PIAS2: variants seen among roughly 807,000 people sequenced by gnomAD.
The protein encoded by PIAS2 is protein inhibitor of activated STAT 2, also known as E3 SUMO-protein ligase PIAS2.
PIAS2 carries 19 observed loss-of-function variants against 69.7 expected under a neutral mutation model. That is an observed-to-expected ratio of 0.27 (90% CI 0.19 to 0.40). The LOEUF (loss-of-function observed/expected upper bound fraction) is 0.40. Among genes scored for constraint, PIAS2 ranks in the 10% least tolerant of loss-of-function variants. The pLI, the probability that PIAS2 is intolerant of heterozygous loss-of-function variation, is 1.00. For missense variants in PIAS2, 624 were observed against 757.0 expected, an observed-to-expected ratio of 0.82 and a Z score of 2.06; for synonymous variants, 261 against 263.2, an observed-to-expected ratio of 0.99 and a Z score of 0.08.
intron 1 of PIAS2, among the ~76,000 whole-genome samples, chr18:46,899,605 C>T (rs1332975268): frequency 6.6e-6 from 1 of 152,148 alleles, no homozygotes; most frequent in Non-Finnish European, 1.5e-5. Flanking sequence ...ATAACTGGGA[C>T]TACAAGCACA....
intron 2 of PIAS2, among the ~76,000 whole-genome samples, chr18:46,868,448 A>AAACATG (rs1444340873): frequency 1.1e-4 from 16 of 151,972 alleles, no homozygotes; most frequent in Non-Finnish European, 1.9e-4. Flanking sequence ...CCTTTGCCGC[A>AAACATG]CCCTGACATG....
At chr18:46,869,980 A>AAT (rs1340577935) in intron 2 of PIAS2, among the ~76,000 whole-genome samples, 2 of 152,010 alleles carry the variant, frequency 1.3e-5, no homozygotes, top group Non-Finnish European at 2.9e-5. Flanking sequence ...ACAATCCACC[A>AAT]ATGTATGAGA....
chr18:46,828,852 G>C (rs1199648957), intron 10 of PIAS2, among the ~76,000 whole-genome samples: 1 of 152,162 alleles, frequency 6.6e-6, no homozygotes, highest in African/African-American at 2.4e-5. Context: ...ATGAATGACA[G>C]TTGATAATGG....
At chr18:46,830,435 T>C (rs982662149) in intron 9 of PIAS2, among the ~76,000 whole-genome samples, 8 of 151,842 alleles carry the variant, frequency 5.3e-5, no homozygotes, top group African/African-American at 1.4e-4. Flanking sequence ...TTAAACTGAA[T>C]GAAAATAAAA....
At chr18:46,827,856 G>C (rs1049445787) in intron 11 of PIAS2, 103 bp downstream of exon 11, 2 of 993,200 alleles carry the variant, frequency 2.0e-6, no homozygotes, top group Non-Finnish European at 2.9e-6. Flanking sequence ...AATTAAAATA[G>C]CCTTCTACAG....
At position 46,804,243 on chromosome 18, in the gene PIAS2, T is replaced by C. The variant is rs564232321; in HGVS notation, c.*8190A>G. 6.6e-6 allele frequency: 1 copy of C among 152,260 alleles called. No homozygotes were observed. Among genetic ancestry groups the C allele is most frequent in the East Asian group, 1.9e-4 (1 of 5,178 alleles). 9.4% of individuals were successfully genotyped at this position (152,260 alleles called of 1,614,324 possible). ...ACAATCTAGTAGGGGAAACACACAA[T>C]ATGCAGGGATTATTTTATGTATTAA... On this transcript the variant is annotated 3_prime_UTR_variant, in exon 14 of 14. Transcript: ENST00000585916.
At chr18:46,843,958 T>C in intron 8 of PIAS2, 96 bp downstream of exon 8, 1 of 682,764 alleles carries the variant, frequency 1.5e-6, no homozygotes, top group Non-Finnish European at 2.5e-6. Flanking sequence ...TCAGCATTCT[T>C]CATAATATAT....
At chr18:46,834,781 T>C (rs1231010489) in intron 9 of PIAS2, among the ~76,000 whole-genome samples, 3 of 151,958 alleles carry the variant, frequency 2.0e-5, no homozygotes, top group African/African-American at 7.3e-5. Context: ...CACCCAAGAG[T>C]AGACATTTTT....
intron 11 of PIAS2, among the ~76,000 whole-genome samples, chr18:46,821,345 C>T (rs1348815783): frequency 6.6e-6 from 1 of 152,078 alleles, no homozygotes; most frequent in Non-Finnish European, 1.5e-5. Flanking sequence ...TATAACACTT[C>T]CATCCACAAA....
At chr18:46,883,374 C>T (rs544106992) in intron 2 of PIAS2, among the ~76,000 whole-genome samples, 114 of 152,194 alleles carry the variant, frequency 7.5e-4, no homozygotes, top group African/African-American at 2.0e-3. Context: ...ATATAAACAG[C>T]GAACAAAGAG....
At chr18:46,825,688 A>C (rs1272196727) in intron 11 of PIAS2, among the ~76,000 whole-genome samples, 2 of 152,210 alleles carry the variant, frequency 1.3e-5, no homozygotes, top group Non-Finnish European at 2.9e-5. Flanking sequence ...TGGATCCTGG[A>C]CACTATGCTT....
At chr18:46,877,181 T>A (rs1437582868) in intron 2 of PIAS2, among the ~76,000 whole-genome samples, 1 of 152,122 alleles carries the variant, frequency 6.6e-6, no homozygotes, top group Non-Finnish European at 1.5e-5. Context: ...TTTTTCAATC[T>A]CCCCACCACC....
chr18:46,830,250 C>T (rs905566273), intron 9 of PIAS2, among the ~76,000 whole-genome samples: 10 of 151,014 alleles, frequency 6.6e-5, no homozygotes, highest in Admixed American at 2.6e-4. Flanking sequence ...ACTTTAACTT[C>T]GAGAAAAAAG....
At chr18:46,817,014 T>G in intron 12 of PIAS2, 1 of 930,714 alleles carries the variant, frequency 1.1e-6, no homozygotes, top group Non-Finnish European at 1.3e-6. Context: ...GTTTTGCATT[T>G]TCAATATTTC....
upstream of PIAS2, chr18:46,920,135 G>A: frequency 7.9e-7 from 1 of 1,268,758 alleles, no homozygotes; most frequent in Non-Finnish European, 1.0e-6. Flanking sequence ...TGGATGGGTT[G>A]GGTAGGTTTG....
chr18:46,805,100 A>G lies in PIAS2; in HGVS notation c.*7333T>C, dbSNP rs1005564442. 2 of 152,226 alleles carry G rather than the reference A, an allele frequency of 1.3e-5. No individual in the cohort carries two copies. The highest frequency in any genetic ancestry group is 2.9e-5 in the Non-Finnish European group (2 of 68,056). The allele number at this position is 152,226 out of a possible 1,614,324, so 9.4% of individuals were successfully genotyped here. ...GTCCCTTCTGTTTGAATTAAGCAGC[A>G]AAGTCATCTTCTGAGAAGGAAGTGG... On this transcript the variant is annotated 3_prime_UTR_variant, in exon 14 of 14. Coordinates refer to ENST00000585916, the MANE Select transcript of PIAS2 (RefSeq NM_004671.5).
intron 2 of PIAS2, among the ~76,000 whole-genome samples, chr18:46,874,622 C>T (rs1480387376): frequency 1.3e-5 from 2 of 152,212 alleles, no homozygotes; most frequent in African/African-American, 4.8e-5. Flanking sequence ...TGAACTACCC[C>T]TCGGAAAGAT....
At chr18:46,847,656 G>T (rs1052546735) in intron 5 of PIAS2, among the ~76,000 whole-genome samples, 2 of 151,856 alleles carry the variant, frequency 1.3e-5, no homozygotes, top group Non-Finnish European at 2.9e-5. Context: ...TAATTTTTTT[G>T]TATTTTTAGT....
At chr18:46,908,620 G>A (rs1340049192) in intron 1 of PIAS2, among the ~76,000 whole-genome samples, 1 of 152,064 alleles carries the variant, frequency 6.6e-6, no homozygotes, top group African/African-American at 2.4e-5. Context: ...CGAGAACTCT[G>A]TTGAAAAATT....
Sources: allele counts gnomAD v4.1 joint callset (sites outside exome capture counted in the v4.1 genomes callset), GRCh38; gene constraint gnomAD v4.1.1; transcripts MANE v1.5; gene names NCBI Gene and HGNC (gene_info 2026-07-23, HGNC 2026-07-21).